The following KCTD3 variants were observed in gnomAD, a reference collection of about 807,000 sequenced individuals.
KCTD3 encodes the protein potassium channel tetramerization domain containing 3.
KCTD3 carries 41 observed loss-of-function variants against 85.8 expected under a neutral mutation model. The ratio of observed to expected loss-of-function variants is 0.48; its 90% CI spans 0.37 to 0.62. KCTD3 has a LOEUF of 0.62. Ranked by LOEUF, KCTD3 falls within the 20% of genes least tolerant of loss-of-function variation. The pLI, the probability that KCTD3 is intolerant of heterozygous loss-of-function variation, is 0.00. For missense variants in KCTD3, 724 were observed against 989.9 expected, an observed-to-expected ratio of 0.73 and a Z score of 3.60; for synonymous variants, 338 against 345.4, an observed-to-expected ratio of 0.98 and a Z score of 0.24.
At chr1:215,610,287 C>T (rs1213881938) in intron 14 of KCTD3, among the ~76,000 whole-genome samples, 2 of 151,766 alleles carry the variant, frequency 1.3e-5, no homozygotes, top group Non-Finnish European at 3.0e-5. Flanking sequence ...CATATTTTTA[C>T]ACATGATCTT....
chr1:215,618,768 T>A (rs972984960), intron 15 of KCTD3, 118 bp from the exon 16 acceptor site: 4 of 751,908 alleles, frequency 5.3e-6, no homozygotes, highest in South Asian at 2.1e-5. Flanking sequence ...AATGATTTTT[T>A]AAAAGTCTTT....
chr1:215,569,695 G>T (rs373299338), intron 1 of KCTD3, among the ~76,000 whole-genome samples: 7 of 149,778 alleles, frequency 4.7e-5, no homozygotes, highest in Admixed American at 3.4e-4. Context: ...TCCCAGGTTC[G>T]CGCCATTCTC....
chr1:215,592,202 C>T (rs1267663386), intron 9 of KCTD3, among the ~76,000 whole-genome samples: 3 of 152,178 alleles, frequency 2.0e-5, no homozygotes, highest in African/African-American at 7.2e-5. Flanking sequence ...GGCACAGAAC[C>T]AAACTGTATC....
chr1:215,576,154 C>T lies in KCTD3; in HGVS notation c.257+180C>T, dbSNP rs571881399. Among the ~76,000 whole-genome samples, 56 of 151,862 alleles carry T rather than the reference C, an allele frequency of 3.7e-4. No homozygotes were observed. In the Middle Eastern group the frequency reaches 0.01, roughly 28 times the overall value. ...CATGATCTCTGCTCACTGCAACCTC[C>T]GCCTTTCAGGTTCAAACAATTCTCC... is the stretch of plus-strand genomic sequence containing the variant. On this transcript the variant is annotated intron_variant, in intron 4 of 17. Coordinates refer to ENST00000259154, the MANE Select transcript of KCTD3 (RefSeq NM_016121.5).
At chr1:215,604,011 T>G in intron 12 of KCTD3, 121 bp from the exon 13 acceptor site, 1 of 652,440 alleles carries the variant, frequency 1.5e-6, no homozygotes, top group Non-Finnish European at 2.5e-6. Flanking sequence ...TGAACTGGAT[T>G]TGGGGCTGAT....
chr1:215,612,173 T>C (rs191997481), intron 15 of KCTD3, among the ~76,000 whole-genome samples: 3 of 152,270 alleles, frequency 2.0e-5, no homozygotes, highest in Admixed American at 6.5e-5. Context: ...CAGTGAACTT[T>C]TTTTCATGGC....
rs1242761198 is a variant in KCTD3, at chr1:215,611,881, A to C, written c.1522A>C (p.Thr508Pro). Reference sequence around the variant, plus strand: ...GTTTATCCAGAAAGTTGTTCCCATCACCAACAAACTATTTGTAAGACTCTC... The same window carrying C: ...GTTTATCCAGAAAGTTGTTCCCATCCCCAACAAACTATTTGTAAGACTCTC... ...QVFIQKVVPI[T>P]NKLFVRLSST... Residue 508 changes from threonine to proline, a missense_variant, in exon 15 of 18, where the codon ACC becomes CCC. By Grantham distance (38) the Thr-to-Pro change is conservative. Transcript: ENST00000259154. 3 of 1,609,326 alleles carry C rather than the reference A, an allele frequency of 1.9e-6. No individual in the cohort carries two copies. The highest frequency in any genetic ancestry group is 2.5e-6 in the Non-Finnish European group (3 of 1,176,674).
chr1:215,578,674 T>TA (rs1209037169), intron 6 of KCTD3, among the ~76,000 whole-genome samples: 1 of 152,174 alleles, frequency 6.6e-6, no homozygotes, highest in East Asian at 1.9e-4. Flanking sequence ...ACATAGTACC[T>TA]AACACATAAT....
chr1:215,584,401 C>G (rs1659937044), intron 8 of KCTD3, among the ~76,000 whole-genome samples: 1 of 152,086 alleles, frequency 6.6e-6, no homozygotes. Context: ...ATAATTAGTT[C>G]CTATATAGGC....
rs769631513 is a variant in KCTD3, at chr1:215,577,683, A to G, written c.271A>G (p.Asn91Asp). ...KELDLRGVSI[N>D]VLRHEAEFYG... The stretch of plus-strand genomic sequence containing the variant: ...GTTTCTTTGTAGGGGAGTGAGTATT[A>G]ATGTTCTCAGGCATGAAGCAGAATT... Residue 91 changes from asparagine to aspartate, a missense_variant, in exon 5 of 18, where the codon AAT (asparagine) becomes GAT (aspartate). Transcript: ENST00000259154. The G allele has an allele frequency of 7.5e-6, 12 of 1,590,816 alleles. No individual in the cohort carries two copies. The African/African-American group carries it at 8.1e-5, about 11-fold the overall frequency.
intron 8 of KCTD3, among the ~76,000 whole-genome samples, chr1:215,584,378 A>C (rs1206281849): frequency 6.6e-6 from 1 of 152,214 alleles, no homozygotes; most frequent in East Asian, 1.9e-4. Flanking sequence ...TATTTGTATA[A>C]AGTGCAGCAA....
chr1:215,594,977 G>A (rs1043563370), intron 9 of KCTD3, among the ~76,000 whole-genome samples: 14 of 152,126 alleles, frequency 9.2e-5, no homozygotes, highest in Admixed American at 7.9e-4. Flanking sequence ...CTCACCTATG[G>A]ATTTTGTAAC....
At chr1:215,618,586 A>G (rs1655544113) in intron 15 of KCTD3, 1 of 237,108 alleles carries the variant, frequency 4.2e-6, no homozygotes, top group African/African-American at 2.3e-5. Flanking sequence ...AATGTGGATA[A>G]AAATTGTTCT....
chr1:215,616,419 A>T (rs182928308), intron 15 of KCTD3, among the ~76,000 whole-genome samples: 76 of 152,362 alleles, frequency 5.0e-4, no homozygotes, highest in African/African-American at 1.7e-3. Context: ...TTAAAATCTG[A>T]TAATGCCCAT....
intron 10 of KCTD3, among the ~76,000 whole-genome samples, chr1:215,597,831 G>A (rs964118402): frequency 2.0e-5 from 3 of 152,010 alleles, no homozygotes; most frequent in African/African-American, 7.2e-5. Flanking sequence ...TGCATATTAG[G>A]AATAGGAATA....
intron 10 of KCTD3, 83 bp downstream of exon 10, chr1:215,595,554 G>A (rs895923018): frequency 2.0e-5 from 17 of 867,022 alleles, no homozygotes; most frequent in South Asian, 7.1e-5. Context: ...TGTAGAATTC[G>A]TACTGTTTCT....
intron 12 of KCTD3, among the ~76,000 whole-genome samples, chr1:215,602,848 T>C (rs560920874): frequency 2.6e-5 from 4 of 152,330 alleles, no homozygotes; most frequent in South Asian, 2.1e-4. Flanking sequence ...CATCATTTCA[T>C]TTAAGTTATT....
intron 8 of KCTD3, among the ~76,000 whole-genome samples, chr1:215,585,848 T>G (rs919634595): frequency 6.6e-6 from 1 of 152,196 alleles, no homozygotes; most frequent in African/African-American, 2.4e-5. Context: ...TATGGAACTG[T>G]AGTTCCATAG....
intron 8 of KCTD3, 71 bp from the exon 9 acceptor site, chr1:215,586,424 G>T: frequency 2.5e-6 from 3 of 1,178,592 alleles, no homozygotes; most frequent in Non-Finnish European, 1.2e-6. Flanking sequence ...TTTGTTTTTG[G>T]TGCATTGATG....
Sources: allele counts gnomAD v4.1 joint callset (sites outside exome capture counted in the v4.1 genomes callset), GRCh38; gene constraint gnomAD v4.1.1; transcripts MANE v1.5; gene names NCBI Gene and HGNC (gene_info 2026-07-23, HGNC 2026-07-21).